Variants in ZFHX3 observed in about 807,000 individuals in gnomAD.
ZFHX3 encodes the protein zinc finger homeobox protein 3.
In ZFHX3, 42 loss-of-function variants were observed where a neutral mutation model predicts 279.1. The observed-to-expected ratio is 0.15, with a 90% CI of 0.12 to 0.19. The LOEUF (loss-of-function observed/expected upper bound fraction) is 0.19. ZFHX3 is among the 10% of genes least tolerant of loss of function. The pLI, the probability that ZFHX3 is intolerant of heterozygous loss-of-function variation, is 1.00. For synonymous variants in ZFHX3, 2,293 were observed against 1,957.8 expected, an observed-to-expected ratio of 1.17 and a Z score of -4.52; for missense variants, 4,981 against 4,754.0, an observed-to-expected ratio of 1.05 and a Z score of -1.40.
At chr16:73,722,168 A>G (rs185484051) in intron 1 of ZFHX3, among the ~76,000 whole-genome samples, 1 of 152,344 alleles carries the variant, frequency 6.6e-6, no homozygotes, top group Admixed American at 6.5e-5. Context: ...TAACAAAATG[A>G]ACAAGGTCCC....
chr16:73,262,514 G>C (rs1176185628), intron 4 of ZFHX3, among the ~76,000 whole-genome samples: 1 of 152,098 alleles, frequency 6.6e-6, no homozygotes, highest in African/African-American at 2.4e-5. Context: ...GAGCTAGAAG[G>C]GTTCTCAGAG....
chr16:73,204,648 C>A (rs1285247787), intron 5 of ZFHX3, among the ~76,000 whole-genome samples: 1 of 152,180 alleles, frequency 6.6e-6, no homozygotes, highest in Non-Finnish European at 1.5e-5. Context: ...TGGTACCAGT[C>A]CCTGAGGGAA....
intron 1 of ZFHX3, among the ~76,000 whole-genome samples, chr16:73,025,415 C>T (rs1597106284): frequency 6.6e-6 from 1 of 152,310 alleles, no homozygotes; most frequent in East Asian, 1.9e-4. Flanking sequence ...AAGTAAATTG[C>T]TATTGGCTTC....
intron 6 of ZFHX3, among the ~76,000 whole-genome samples, chr16:73,141,380 TG>T (rs1183792173): frequency 6.6e-5 from 10 of 152,216 alleles, no homozygotes; most frequent in African/African-American, 2.4e-4. Flanking sequence ...CCAAGCACTG[TG>T]CTAATCTCTT....
At chr16:72,887,271 A>C (rs2038649339) in intron 4 of ZFHX3, among the ~76,000 whole-genome samples, 1 of 152,176 alleles carries the variant, frequency 6.6e-6, no homozygotes, top group South Asian at 2.1e-4. Context: ...GATAGAGCAG[A>C]GCGTTCAGAG....
chr16:72,826,630 T>C (rs574280237), intron 5 of ZFHX3, among the ~76,000 whole-genome samples: 13 of 152,326 alleles, frequency 8.5e-5, no homozygotes, highest in African/African-American at 2.4e-4. Flanking sequence ...TCAGATACTA[T>C]AGACAAAATT....
At position 72,958,863 on chromosome 16, in the gene ZFHX3, G is replaced by A. The variant is rs376681846; in HGVS notation, c.1283C>T (p.Thr428Ile). Residue 428 changes from threonine to isoleucine, a missense_variant, in exon 2 of 10, where the codon ACC becomes ATC. Physicochemically the swap from Thr to Ile is moderately conservative, Grantham distance 89 (BLOSUM62 -1). This residue lies in a region of ZFHX3 where 1,068 missense variants were observed against 935.2 expected (regional missense o/e 1.14). Transcript: ENST00000268489. ...VPLGPLASSP[T>I]KSSEGKDSGA... ...AGAGTCCTTGCCCTCTGAGGATTTGGTAGGACTGGAAGCCAGAGGCCCCAG... is the reference window on the plus strand; with the variant it reads ...AGAGTCCTTGCCCTCTGAGGATTTGATAGGACTGGAAGCCAGAGGCCCCAG... 6.2e-6 allele frequency: 10 copies of A among 1,613,408 alleles called. No individual in the cohort carries two copies. Among genetic ancestry groups the A allele is most frequent in the Non-Finnish European group, 8.5e-6 (10 of 1,179,684 alleles).
chr16:73,879,362 C>G (rs1489260102), intron 1 of ZFHX3, among the ~76,000 whole-genome samples: 1 of 151,108 alleles, frequency 6.6e-6, no homozygotes, highest in Non-Finnish European at 1.5e-5. Context: ...TGTTCTTATG[C>G]GGTATGGGAT....
intron 5 of ZFHX3, among the ~76,000 whole-genome samples, chr16:73,174,542 C>T (rs888110978): frequency 1.3e-5 from 2 of 152,066 alleles, no homozygotes; most frequent in Non-Finnish European, 2.9e-5. Context: ...TCTCAAATCT[C>T]CACACAGCCA....
intron 2 of ZFHX3, among the ~76,000 whole-genome samples, chr16:73,584,993 A>T (rs963744738): frequency 2.6e-5 from 4 of 152,206 alleles, no homozygotes; most frequent in Non-Finnish European, 5.9e-5. Context: ...CAACATCACT[A>T]ATCATTAAAG....
chr16:73,337,214 C>T (rs2015930700), intron 3 of ZFHX3, among the ~76,000 whole-genome samples: 1 of 152,170 alleles, frequency 6.6e-6, no homozygotes, highest in Non-Finnish European at 1.5e-5. Flanking sequence ...CTGACCCAAC[C>T]TTCCATCCAT....
chr16:73,211,666 CTA>C (rs2012022796), intron 5 of ZFHX3, among the ~76,000 whole-genome samples: 1 of 151,686 alleles, frequency 6.6e-6, no homozygotes, highest in Non-Finnish European at 1.5e-5. Context: ...CCCAAAGAAT[CTA>C]TGTTTTTTTT....
chr16:73,512,015 C>T (rs780340629), intron 2 of ZFHX3, among the ~76,000 whole-genome samples: 2 of 152,052 alleles, frequency 1.3e-5, no homozygotes, highest in African/African-American at 4.8e-5. Flanking sequence ...GCCTGCAACC[C>T]GATACCAGGG....
At chr16:73,447,878 A>AG in intron 3 of ZFHX3, among the ~76,000 whole-genome samples, 1 of 152,356 alleles carries the variant, frequency 6.6e-6, no homozygotes, top group Middle Eastern at 3.4e-3. Flanking sequence ...AGCTTTGCTG[A>AG]AAACAACTTC....
intron 3 of ZFHX3, among the ~76,000 whole-genome samples, chr16:73,321,582 C>T (rs186349319): frequency 6.6e-6 from 1 of 152,330 alleles, no homozygotes; most frequent in East Asian, 1.9e-4. Flanking sequence ...TCCCGAACAA[C>T]AGGTCAACGG....
rs565307186 is a variant in ZFHX3 at position 73,748,938 on chromosome 16, C to T, written c.-1607-68698G>A. 6.0e-4 allele frequency among the ~76,000 whole-genome samples: 92 copies of T among 152,220 alleles called. 1 individual carries two copies. The highest frequency in any genetic ancestry group is 2.1e-3 in the African/African-American group (87 of 41,542). Reference sequence around the variant, plus strand: ...GAGTAGCTGGGATGACAGGCACCTGCCACCACACCTGACTAATTTTTGTAC... The same window carrying T: ...GAGTAGCTGGGATGACAGGCACCTGTCACCACACCTGACTAATTTTTGTAC... On this transcript the variant is annotated intron_variant, in intron 1 of 17. Transcript: ENST00000641206.
At chr16:72,904,772 C>A (rs944687701) in intron 3 of ZFHX3, among the ~76,000 whole-genome samples, 4 of 134,360 alleles carry the variant, frequency 3.0e-5, no homozygotes, top group Admixed American at 2.1e-4. Flanking sequence ...GGCTCCTTGC[C>A]TGTGGGGGGG....
intron 4 of ZFHX3, among the ~76,000 whole-genome samples, chr16:72,872,682 C>T (rs949536047): frequency 1.3e-5 from 2 of 152,206 alleles, no homozygotes; most frequent in African/African-American, 4.8e-5. Context: ...TCGTCTCAAA[C>T]TCCTGACCTC....
chr16:73,496,520 G>C (rs1240416601), intron 2 of ZFHX3, among the ~76,000 whole-genome samples: 2 of 152,174 alleles, frequency 1.3e-5, no homozygotes, highest in Non-Finnish European at 2.9e-5. Flanking sequence ...GACACAGCGA[G>C]ACTCCATCTT....
Sources: allele counts gnomAD v4.1 joint callset (sites outside exome capture counted in the v4.1 genomes callset), GRCh38; gene constraint gnomAD v4.1.1; regional missense constraint gnomAD v4.1.1; transcripts MANE v1.5; gene names NCBI Gene and HGNC (gene_info 2026-07-23, HGNC 2026-07-21).